Variants in CCSER2 observed in about 807,000 individuals in gnomAD.
The protein encoded by CCSER2 is serine-rich coiled-coil domain-containing protein 2.
In CCSER2, 46 loss-of-function variants were observed where a neutral mutation model predicts 92.3. The ratio of observed to expected loss-of-function variants is 0.50; its 90% confidence interval spans 0.39 to 0.64. The LOEUF (loss-of-function observed/expected upper bound fraction) is 0.64, where lower values mean the gene tolerates loss of function less well. Among genes scored for constraint, CCSER2 ranks in the 30% least tolerant of loss-of-function variants. The probability of loss-of-function intolerance (pLI) is 0.00; values close to 1 mark genes in which losing one functional copy is unlikely to be tolerated. For missense variants in CCSER2, 1,244 were observed against 1,238.9 expected, an observed-to-expected ratio of 1.00 and a Z score of -0.06; for synonymous variants, 433 against 431.4, an observed-to-expected ratio of 1.00 and a Z score of -0.04.
At chr10:84,356,640 A>G (rs1564593688) in intron 1 of CCSER2, among the ~76,000 whole-genome samples, 1 of 152,346 alleles carries the variant, frequency 6.6e-6, no homozygotes, top group Admixed American at 6.5e-5. Flanking sequence ...AGAATACATT[A>G]TTAAGAAGGA....
intron 1 of CCSER2, among the ~76,000 whole-genome samples, chr10:84,339,278 A>C (rs1564577201): frequency 6.6e-6 from 1 of 151,944 alleles, no homozygotes; most frequent in Non-Finnish European, 1.5e-5. Context: ...TGCTGGAATT[A>C]TAGGCGTGAG....
chr10:84,454,527 TAAATC>T (rs1297415741), intron 6 of CCSER2, among the ~76,000 whole-genome samples: 1 of 152,228 alleles, frequency 6.6e-6, no homozygotes, highest in African/African-American at 2.4e-5. Context: ...TTTATTTAAA[TAAATC>T]CTCTCATAGG....
intron 3 of CCSER2, chr10:84,391,249 A>G: frequency 7.2e-7 from 1 of 1,387,804 alleles, no homozygotes; most frequent in Non-Finnish European, 1.0e-6. Flanking sequence ...AAGCCATGCT[A>G]AACAATGCTC....
Position 84,514,682 on chromosome 10 carries a change from A to G in CCSER2, c.*415A>G, listed in dbSNP as rs188867282. Reference sequence around the variant, plus strand: ...TGTCTCTCCTGTGAATATGGCTACTATTTTAACTAAAGATATGGTGATAAT... The same window carrying G: ...TGTCTCTCCTGTGAATATGGCTACTGTTTTAACTAAAGATATGGTGATAAT... On this transcript the variant is annotated 3_prime_UTR_variant, in exon 10 of 10. Coordinates refer to ENST00000372088, the MANE Select transcript of CCSER2 (RefSeq NM_001284240.2). 2 of 168,570 alleles carry G rather than the reference A, an allele frequency of 1.2e-5. No homozygotes were observed. The highest frequency in any genetic ancestry group is 1.7e-4 in the East Asian group (1 of 5,792). 10.4% of individuals were successfully genotyped at this position (168,570 alleles called of 1,614,324 possible). A position where few individuals can be genotyped will look rare whatever the true frequency, so the allele number is the denominator to read the frequency against.
At chr10:84,341,101 C>G (rs531912560) in intron 1 of CCSER2, among the ~76,000 whole-genome samples, 1 of 134,732 alleles carries the variant, frequency 7.4e-6, no homozygotes, top group South Asian at 2.4e-4. Context: ...CGTGCAGTGG[C>G]TTGATTATAG....
At chr10:84,404,521 T>G (rs896740877) in intron 3 of CCSER2, among the ~76,000 whole-genome samples, 8 of 152,204 alleles carry the variant, frequency 5.3e-5, no homozygotes, top group African/African-American at 1.2e-4. Flanking sequence ...TGTTTCACAC[T>G]AAATGAAATT....
intron 9 of CCSER2, among the ~76,000 whole-genome samples, chr10:84,506,509 A>G (rs1046526446): frequency 6.6e-6 from 1 of 152,086 alleles, no homozygotes; most frequent in Non-Finnish European, 1.5e-5. Context: ...CAATAATTAA[A>G]CTGGCCGGGC....
At chr10:84,501,619 GCTT>G (rs1564729505) in intron 9 of CCSER2, among the ~76,000 whole-genome samples, 1 of 149,866 alleles carries the variant, frequency 6.7e-6, no homozygotes, top group Non-Finnish European at 1.5e-5. Context: ...ATTTTCAAGT[GCTT>G]CTTCTCCTTC....
At chr10:84,476,888 C>T (rs1002762822) in intron 8 of CCSER2, among the ~76,000 whole-genome samples, 2 of 152,026 alleles carry the variant, frequency 1.3e-5, no homozygotes, top group African/African-American at 4.8e-5. Context: ...TCAGATGGAT[C>T]TTGTCAAAGG....
chr10:84,449,464 ACT>A (rs1445554317), intron 6 of CCSER2, among the ~76,000 whole-genome samples: 2 of 152,146 alleles, frequency 1.3e-5, no homozygotes, highest in African/African-American at 4.8e-5. Flanking sequence ...AGTTGCTTAA[ACT>A]CTCTGTGCTG....
intron 5 of CCSER2, among the ~76,000 whole-genome samples, chr10:84,436,768 C>A (rs914737973): frequency 6.6e-6 from 1 of 151,894 alleles, no homozygotes; most frequent in African/African-American, 2.4e-5. Flanking sequence ...TTCTAAAAAT[C>A]TTTTTCTTGG....
At position 84,401,258 on chromosome 10, in the gene CCSER2, C is replaced by T. The variant is rs188805130; in HGVS notation, c.1615-16513C>T. ...CCCAAAAGTAATTGAGAAAAAGCAA[C>T]GAAATTGAAAGGTGGTCTTTGAAAA... On this transcript the variant is annotated intron_variant, in intron 3 of 9. Transcript: ENST00000372088. Among the ~76,000 whole-genome samples, 19 of 151,840 alleles carry T rather than the reference C, an allele frequency of 1.3e-4. No individual in the cohort carries two copies. In the East Asian group the frequency reaches 3.5e-3, roughly 28 times the overall value.
intron 1 of CCSER2, among the ~76,000 whole-genome samples, chr10:84,345,051 G>C (rs1163259616): frequency 1.3e-5 from 2 of 152,202 alleles, no homozygotes; most frequent in African/African-American, 2.4e-5. Flanking sequence ...GTTATTGAAG[G>C]ATTTTAAAAT....
intron 1 of CCSER2, among the ~76,000 whole-genome samples, chr10:84,370,582 C>T (rs977877173): frequency 2.0e-5 from 3 of 152,054 alleles, no homozygotes; most frequent in Non-Finnish European, 4.4e-5. Context: ...TTGACTTCTT[C>T]TTTTCCAATC....
Position 84,477,371 on chromosome 10 carries a change from ATG to A in CCSER2, c.2236-199_2236-198del, listed in dbSNP as rs761119784. ...AAAAAGTAGCCAGAACTATTTTGCC[ATG>A]TGTGACTTTTTTGTTGATTTGGTTA... On this transcript the variant is annotated intron_variant, in intron 8 of 9. Coordinates refer to ENST00000372088, the MANE Select transcript of CCSER2 (RefSeq NM_001284240.2). Among the ~76,000 whole-genome samples, 3 of 152,084 alleles carry A rather than the reference ATG, an allele frequency of 2.0e-5. No individual in the cohort carries two copies. The East Asian group carries it at 5.8e-4, about 29-fold the overall frequency.
At chr10:84,485,839 A>G (rs1165972417) in intron 9 of CCSER2, among the ~76,000 whole-genome samples, 3 of 152,054 alleles carry the variant, frequency 2.0e-5, no homozygotes, top group Non-Finnish European at 4.4e-5. Context: ...GGTGTGCTGC[A>G]CCTATTAACT....
In CCSER2 at chr10:84,466,787, A is replaced by G. The variant is rs923839774; in HGVS notation, c.2148+2771A>G. ...CTCGGCCTCCCAAAGTGCTGGGATT[A>G]CAGGCGTAAGCCACCGCGCCCGGCC... On this transcript the variant is annotated intron_variant, in intron 7 of 9. Transcript: ENST00000372088. Among the ~76,000 whole-genome samples, 11 of 151,930 alleles carry G rather than the reference A, an allele frequency of 7.2e-5. No homozygotes were observed. The East Asian group carries it at 1.4e-3, about 19-fold the overall frequency.
intron 6 of CCSER2, among the ~76,000 whole-genome samples, chr10:84,461,469 C>T (rs1343873488): frequency 6.6e-6 from 1 of 152,060 alleles, no homozygotes; most frequent in Admixed American, 6.6e-5. Context: ...CCTGAGCAGG[C>T]TCTGTCAATT....
chr10:84,433,111 T>C (rs1161542557), intron 5 of CCSER2, among the ~76,000 whole-genome samples: 1 of 152,210 alleles, frequency 6.6e-6, no homozygotes, highest in Non-Finnish European at 1.5e-5. Flanking sequence ...TTGATGACTG[T>C]AGCTTTGTAT....
Sources: allele counts gnomAD v4.1 joint callset (sites outside exome capture counted in the v4.1 genomes callset), GRCh38; gene constraint gnomAD v4.1.1; transcripts MANE v1.5; gene names NCBI Gene and HGNC (gene_info 2026-07-23, HGNC 2026-07-21).